LHPP: variants seen among roughly 807,000 people sequenced by gnomAD.
LHPP encodes the protein phospholysine phosphohistidine inorganic pyrophosphate phosphatase.
Under a neutral mutation model 30.3 loss-of-function variants are expected in LHPP, and 24 were observed. That is an observed-to-expected ratio of 0.79 (90% CI 0.57 to 1.11). The LOEUF (loss-of-function observed/expected upper bound fraction) is 1.11. Among genes scored for constraint, LHPP ranks in the 50% most tolerant of loss-of-function variants. The pLI is 0.00. For missense variants in LHPP, 356 were observed against 367.2 expected (o/e 0.97, Z 0.25); for synonymous variants, 150 against 157.1 (o/e 0.95, Z 0.34).
At chr10:124,479,303 G>T (rs1953053099) in intron 1 of LHPP, among the ~76,000 whole-genome samples, 1 of 152,154 alleles carries the variant, frequency 6.6e-6, no homozygotes, top group African/African-American at 2.4e-5. Flanking sequence ...TCTTTGTACA[G>T]CTCTCTGCAA....
rs766650629 is a variant in LHPP at position 124,517,246 on chromosome 10, C to T, written c.691C>T (p.Leu231=). The T allele has an allele frequency of 3.7e-6, 6 of 1,603,340 alleles. No individual in the cohort carries two copies. The South Asian group carries it at 4.5e-5, about 12-fold the overall frequency. Reference sequence around the variant, plus strand: ...TGCCCAGCGGTGTGGAATGAGAGCGCTGCAGGTGCGCACCGGGAAGTTCAG... The same window carrying T: ...TGCCCAGCGGTGTGGAATGAGAGCGTTGCAGGTGCGCACCGGGAAGTTCAG... ...GGAQRCGMRA[L]QVRTGKFRPS... Residue 231 remains leucine (L), a synonymous_variant, in exon 6 of 7, where the codon CTG becomes TTG. Coordinates refer to ENST00000368842, the MANE Select transcript of LHPP (RefSeq NM_022126.4). This position sits in a 1 kb window ranked among gnomAD's most constrained non-coding sequence, Gnocchi z 4.1.
rs79082169 is a variant in LHPP, at chr10:124,573,174, G to A, written c.717-40090G>A. On this transcript the variant is annotated intron_variant, in intron 6 of 6. Coordinates refer to ENST00000368842, the MANE Select transcript of LHPP (RefSeq NM_022126.4). ...AGCTTATTTTGGAATAATTTCATATGTACAGAAAAGTTATGGAGTTAGGAT... is the reference window on the plus strand; with the variant it reads ...AGCTTATTTTGGAATAATTTCATATATACAGAAAAGTTATGGAGTTAGGAT... Among the ~76,000 whole-genome samples the A allele has an allele frequency of 6.4e-3, 977 of 152,312 alleles. 8 individuals carry two copies. The highest frequency in any genetic ancestry group is 0.023 in the African/African-American group (945 of 41,546).
chr10:124,567,051 G>A (rs954267782), intron 6 of LHPP, among the ~76,000 whole-genome samples: 10 of 152,214 alleles, frequency 6.6e-5, no homozygotes, highest in Non-Finnish European at 1.0e-4. Flanking sequence ...GAGGGAGGGC[G>A]GGGGTCCAGG....
At chr10:124,508,777 G>C (rs1760017692) in intron 5 of LHPP, among the ~76,000 whole-genome samples, 2 of 152,090 alleles carry the variant, frequency 1.3e-5, no homozygotes, top group Admixed American at 1.3e-4. Flanking sequence ...CCAATTTTTT[G>C]TGTCTATATA....
chr10:124,522,974 C>T (rs1036599860), intron 6 of LHPP, among the ~76,000 whole-genome samples: 15 of 152,190 alleles, frequency 9.9e-5, no homozygotes, highest in Admixed American at 2.6e-4. Context: ...TTCCTGTGGA[C>T]ATGCCAGAAA....
chr10:124,603,127 G>C (rs916115949), intron 6 of LHPP, among the ~76,000 whole-genome samples: 1 of 152,200 alleles, frequency 6.6e-6, no homozygotes, highest in African/African-American at 2.4e-5. Flanking sequence ...TTTGTATGTA[G>C]TGCTGCCTGC....
chr10:124,576,960 C>T lies in LHPP; in HGVS notation c.717-36304C>T, dbSNP rs10901770. Reference sequence around the variant, plus strand: ...GCACAGGTACATTGCTCCGCCCTCTCAACAGCCACGACCCAGAAATAAAGT... The same window carrying T: ...GCACAGGTACATTGCTCCGCCCTCTTAACAGCCACGACCCAGAAATAAAGT... On this transcript the variant is annotated intron_variant, in intron 6 of 6. Coordinates refer to ENST00000368842, the MANE Select transcript of LHPP (RefSeq NM_022126.4). This position sits in a 1 kb window ranked among gnomAD's most constrained non-coding sequence, Gnocchi z 4.2. 0.2 allele frequency among the ~76,000 whole-genome samples: 31,043 copies of T among 152,188 alleles called. 3,678 individuals carry two copies. The highest frequency in any genetic ancestry group is 0.33 in the South Asian group (1,615 of 4,826).
At chr10:124,554,895 A>T (rs766348877) in intron 6 of LHPP, among the ~76,000 whole-genome samples, 3 of 152,216 alleles carry the variant, frequency 2.0e-5, no homozygotes, top group African/African-American at 4.8e-5. Context: ...ATTGTTCATA[A>T]TTGCGGCTGT....
intron 6 of LHPP, among the ~76,000 whole-genome samples, chr10:124,602,942 G>A (rs954455587): frequency 2.0e-5 from 3 of 152,196 alleles, no homozygotes; most frequent in African/African-American, 7.2e-5. Context: ...GGGGGCACAG[G>A]ACCCCACCTC....
At chr10:124,558,245 C>G (rs1429887137) in intron 6 of LHPP, among the ~76,000 whole-genome samples, 1 of 152,176 alleles carries the variant, frequency 6.6e-6, no homozygotes, top group East Asian at 1.9e-4. Flanking sequence ...CTGCCTGTGG[C>G]CTCCCTGAGT....
rs1301943197 is a variant in LHPP, at chr10:124,517,756, C to G, written c.716+485C>G. On this transcript the variant is annotated intron_variant, in intron 6 of 6. Transcript: ENST00000368842. The surrounding 1 kb of genome is among the most constrained non-coding windows in gnomAD (Gnocchi z 4.1). ...GCATGCCCTGGAGCAGAACCTCCAT[C>G]TCAAGAAGAAGGTTGTGTTTTATTT... Among the ~76,000 whole-genome samples, 1 of 152,220 alleles carries G rather than the reference C, an allele frequency of 6.6e-6. No individual in the cohort carries two copies. Among genetic ancestry groups the G allele is most frequent in the African/African-American group, 2.4e-5 (1 of 41,456 alleles).
At chr10:124,506,683 A>T (rs1954083944) in intron 5 of LHPP, among the ~76,000 whole-genome samples, 1 of 91,052 alleles carries the variant, frequency 1.1e-5, no homozygotes, top group Non-Finnish European at 2.2e-5. Context: ...GGGGGTAGGG[A>T]AGATTTCAGG....
chr10:124,471,856 A>T lies in LHPP; in HGVS notation c.125+9869A>T, dbSNP rs114613834. 9.7e-3 allele frequency among the ~76,000 whole-genome samples: 1,434 copies of T among 148,494 alleles called. 15 individuals are homozygous for T. The highest frequency in any genetic ancestry group is 0.032 in the African/African-American group (1,284 of 40,284). On this transcript the variant is annotated intron_variant, in intron 1 of 6. Coordinates refer to ENST00000368842, the MANE Select transcript of LHPP (RefSeq NM_022126.4). ...AATATATTGCCCAGGCTGGTCTCAA[A>T]CTCCTGGCCTCAAGGAGTCCTCCTG...
At chr10:124,500,481 G>GTAA (rs776512471) in intron 5 of LHPP, among the ~76,000 whole-genome samples, 91 of 151,820 alleles carry the variant, frequency 6.0e-4, no homozygotes, top group Non-Finnish European at 4.1e-4. Flanking sequence ...CCAAGTAATA[G>GTAA]TAATAGTAAT....
intron 6 of LHPP, among the ~76,000 whole-genome samples, chr10:124,566,262 G>C (rs749975896): frequency 1.2e-4 from 18 of 152,222 alleles, no homozygotes; most frequent in Admixed American, 1.3e-4. Flanking sequence ...AGTCTGGTTG[G>C]CATCATGGGA....
At chr10:124,475,825 C>A (rs945501809) in intron 1 of LHPP, among the ~76,000 whole-genome samples, 67 of 152,194 alleles carry the variant, frequency 4.4e-4, no homozygotes, top group African/African-American at 1.6e-3. Context: ...CCAGGATCCC[C>A]ACCCCTCACC....
At chr10:124,547,852 T>A in intron 6 of LHPP, among the ~76,000 whole-genome samples, 1 of 152,242 alleles carries the variant, frequency 6.6e-6, no homozygotes, top group East Asian at 1.9e-4. Flanking sequence ...CCACATATAT[T>A]GCATAATCTC....
chr10:124,582,722 G>A (rs959758263), intron 6 of LHPP, among the ~76,000 whole-genome samples: 2 of 151,886 alleles, frequency 1.3e-5, no homozygotes, highest in African/African-American at 4.8e-5. Context: ...AAAGCATAAG[G>A]GGCTGGGTGT....
chr10:124,501,616 A>G lies in LHPP; in HGVS notation c.624+3488A>G, dbSNP rs543743868. The stretch of plus-strand genomic sequence containing the variant: ...GACTCTGTCTTAAAAAAAAAAAAAA[A>G]AAAAAGAAAAATATTCTGGAACTGG... On this transcript the variant is annotated intron_variant, in intron 5 of 6. Transcript: ENST00000368842. Among the ~76,000 whole-genome samples the G allele has an allele frequency of 2.9e-4, 43 of 150,524 alleles. 2 individuals are homozygous for G. In the Middle Eastern group the frequency reaches 0.01, roughly 36 times the overall value.
Sources: allele counts gnomAD v4.1 joint callset (sites outside exome capture counted in the v4.1 genomes callset), GRCh38; gene constraint gnomAD v4.1.1; non-coding constraint Gnocchi (gnomAD v3.1); transcripts MANE v1.5; gene names NCBI Gene and HGNC (gene_info 2026-07-23, HGNC 2026-07-21).